TTLL1: variants seen among roughly 807,000 people sequenced by gnomAD.
TTLL1 encodes TTL family tubulin polyglutamylase complex subunit L1.
TTLL1 carries 33 observed loss-of-function variants against 47.8 expected under a neutral mutation model. That is an observed-to-expected ratio of 0.69 (90% CI 0.52 to 0.92). The LOEUF is 0.92. TTLL1 is among the 40% of genes least tolerant of loss of function. The pLI is 0.00. For missense variants in TTLL1, 488 were observed against 547.5 expected (o/e 0.89, Z 1.08); for synonymous variants, 225 against 214.1 (o/e 1.05, Z -0.45).
At chr22:43,063,749 A>T in intron 7 of TTLL1, 64 bp downstream of exon 7, 1 of 1,512,242 alleles carries the variant, frequency 6.6e-7, no homozygotes. Context: ...TACAGGCGTG[A>T]GCCACCACAC....
chr22:43,080,335 G>A (rs1377649916), intron 1 of TTLL1, among the ~76,000 whole-genome samples: 3 of 152,216 alleles, frequency 2.0e-5, no homozygotes, highest in African/African-American at 7.2e-5. Context: ...ATTTATAGGC[G>A]TGAGCCACCG....
intron 2 of TTLL1, among the ~76,000 whole-genome samples, chr22:43,076,174 G>A (rs1428214720): frequency 2.0e-5 from 3 of 152,208 alleles, no homozygotes; most frequent in African/African-American, 7.2e-5. Flanking sequence ...TGTTTATCTG[G>A]ACTGGGCGTG....
intron 9 of TTLL1, among the ~76,000 whole-genome samples, chr22:43,047,728 C>G (rs1926255765): frequency 6.6e-6 from 1 of 152,098 alleles, no homozygotes; most frequent in African/African-American, 2.4e-5. Context: ...CTCGGCCTCC[C>G]AAAGTGCTGG....
chr22:43,063,520 C>T, intron 7 of TTLL1, among the ~76,000 whole-genome samples: 1 of 149,844 alleles, frequency 6.7e-6, no homozygotes, highest in Non-Finnish European at 1.5e-5. Context: ...GGCTGGAGTG[C>T]AATGGTGCAA....
rs147645341 is a variant in TTLL1, at chr22:43,046,482, G to A, written c.1070C>T (p.Pro357Leu). Reference sequence around the variant, plus strand: ...TTTGCAGTCTGGGATTTCACCATTCGGGACGGCGATGTTGAGGGTGTCATT... The same window carrying A: ...TTTGCAGTCTGGGATTTCACCATTCAGGACGGCGATGTTGAGGGTGTCATT... ...LINDTLNIAVPNGEIPDCKWN... is the reference protein window; with the variant it reads ...LINDTLNIAVLNGEIPDCKWN... Residue 357 changes from proline (P) to leucine (L), a missense_variant, in exon 10 of 11, where the codon CCG (proline) becomes CTG (leucine). Physicochemically the swap from Pro to Leu is moderately conservative, Grantham distance 98. Coordinates refer to ENST00000266254, the MANE Select transcript of TTLL1 (RefSeq NM_012263.5). 46 of 1,613,964 alleles carry A rather than the reference G, an allele frequency of 2.9e-5. 1 individual carries two copies. Among genetic ancestry groups the A allele is most frequent in the Middle Eastern group, 3.3e-4 (2 of 6,084 alleles).
In TTLL1 at chr22:43,059,271, G is replaced by T. The variant is rs1045590316; in HGVS notation, c.891+113C>A. 4.8e-6 allele frequency: 7 copies of T among 1,445,078 alleles called. No homozygotes were observed. In the African/African-American group the frequency reaches 8.6e-5, roughly 18 times the overall value. 89.5% of individuals were successfully genotyped at this position (1,445,078 alleles called of 1,614,324 possible). A position where few individuals can be genotyped will look rare whatever the true frequency, so the allele number is the denominator to read the frequency against. The stretch of plus-strand genomic sequence containing the variant: ...GGCCTCCCAGCTTGCTGGGATTACA[G>T]GCGTGAGCCGCCGCGCACAGCTGAA... On this transcript the variant is annotated intron_variant, in intron 8 of 10. Coordinates refer to ENST00000266254, the MANE Select transcript of TTLL1 (RefSeq NM_012263.5).
Position 43,052,170 on chromosome 22 carries a change from G to A in TTLL1, c.892-283C>T, listed in dbSNP as rs545930191. 5.5e-4 allele frequency: 236 copies of A among 428,866 alleles called. 4 individuals are homozygous for A. The East Asian group carries it at 9.5e-3, about 17-fold the overall frequency. The allele number at this position is 428,866 out of a possible 1,614,324, so 26.6% of individuals were successfully genotyped here. A position where few individuals can be genotyped will look rare whatever the true frequency, so the allele number is the denominator to read the frequency against. ...ACTAGCACCCAACCCCTCTGTTGGC[G>A]TGAGACTGTCATCAGAGTGAACGGA... On this transcript the variant is annotated intron_variant, in intron 8 of 10. Coordinates refer to ENST00000266254, the MANE Select transcript of TTLL1 (RefSeq NM_012263.5).
At chr22:43,075,716 G>A (rs1378766168) in intron 2 of TTLL1, 126 bp from the exon 3 acceptor site, 4 of 803,360 alleles carry the variant, frequency 5.0e-6, no homozygotes, top group Admixed American at 2.0e-5. Context: ...TTCTCAACCA[G>A]GAGTGATTCC....
chr22:43,050,082 G>GC (rs1926493633), intron 9 of TTLL1, among the ~76,000 whole-genome samples: 1 of 151,682 alleles, frequency 6.6e-6, no homozygotes, highest in East Asian at 1.9e-4. Flanking sequence ...AGGCGACAGA[G>GC]TGAGACTCCG....
At chr22:43,075,678 C>T (rs1928441712) in intron 2 of TTLL1, 88 bp from the exon 3 acceptor site, 1 of 1,157,330 alleles carries the variant, frequency 8.6e-7, no homozygotes, top group African/African-American at 1.5e-5. Flanking sequence ...GCATGCCCAT[C>T]CCAAACTCGA....
chr22:43,053,968 G>A (rs1055752642), intron 8 of TTLL1, among the ~76,000 whole-genome samples: 9 of 152,228 alleles, frequency 5.9e-5, no homozygotes, highest in Non-Finnish European at 8.8e-5. Flanking sequence ...ACACAGTCAC[G>A]TGTCAACCGA....
intron 5 of TTLL1, among the ~76,000 whole-genome samples, chr22:43,066,672 T>C (rs1048357215): frequency 1.4e-5 from 2 of 146,432 alleles, no homozygotes; most frequent in Non-Finnish European, 3.0e-5. Context: ...CAGTGAGCCA[T>C]GATCCCGTCT....
intron 5 of TTLL1, among the ~76,000 whole-genome samples, chr22:43,066,022 G>C (rs1336686092): frequency 6.6e-6 from 1 of 151,894 alleles, no homozygotes; most frequent in Non-Finnish European, 1.5e-5. Flanking sequence ...AGCCAGGTGT[G>C]GTGGCGGGTG....
chr22:43,078,518 A>G (rs1928656816), intron 2 of TTLL1, among the ~76,000 whole-genome samples: 1 of 152,056 alleles, frequency 6.6e-6, no homozygotes. Context: ...AGGAAAAACA[A>G]AAGAGAAGAG....
chr22:43,064,459 C>T, intron 5 of TTLL1, 135 bp from the exon 6 acceptor site: 7 of 1,018,466 alleles, frequency 6.9e-6, no homozygotes, highest in Non-Finnish European at 8.3e-6. Context: ...GGCGCGGTGG[C>T]TCACGCCTGT....
intron 10 of TTLL1, among the ~76,000 whole-genome samples, chr22:43,041,041 T>G (rs1199822003): frequency 6.6e-6 from 1 of 152,154 alleles, no homozygotes; most frequent in Non-Finnish European, 1.5e-5. Flanking sequence ...CCACGGTGAC[T>G]GACATTATCC....
intron 5 of TTLL1, among the ~76,000 whole-genome samples, chr22:43,066,270 G>A (rs1927729426): frequency 2.6e-5 from 4 of 152,126 alleles, no homozygotes; most frequent in Admixed American, 2.0e-4. Context: ...TCACTGTGAG[G>A]GGCTGGGTCA....
chr22:43,059,254 A>C, intron 8 of TTLL1, 130 bp downstream of exon 8: 1 of 1,350,972 alleles, frequency 7.4e-7, no homozygotes, highest in East Asian at 2.5e-5. Context: ...TCGGCCTCCC[A>C]GCTTGCTGGG....
At chr22:43,057,430 G>A (rs535574247) in intron 8 of TTLL1, among the ~76,000 whole-genome samples, 1 of 152,234 alleles carries the variant, frequency 6.6e-6, no homozygotes, top group East Asian at 1.9e-4. Flanking sequence ...ATTTCTGACT[G>A]TGGAGGGAAG....
Sources: gnomAD v4.1 joint callset for allele counts (sites outside exome capture counted in the v4.1 genomes callset) on GRCh38, gnomAD v4.1.1 for gene constraint, MANE v1.5 for transcripts, NCBI Gene and HGNC (gene_info 2026-07-23, HGNC 2026-07-21) for gene names.